The following GEMIN5 variants were observed in gnomAD, a reference collection of about 807,000 sequenced individuals.
GEMIN5 encodes the protein gem-associated protein 5.
Under a neutral mutation model 176.9 loss-of-function variants are expected in GEMIN5, and 124 were observed. That is an observed-to-expected ratio of 0.70 (90% CI 0.61 to 0.81). The LOEUF (loss-of-function observed/expected upper bound fraction) is 0.81, where lower values mean the gene tolerates loss of function less well. Ranked by LOEUF, GEMIN5 falls within the 40% of genes least tolerant of loss-of-function variation. The probability of loss-of-function intolerance (pLI) is 0.00; values close to 1 mark genes in which losing one functional copy is unlikely to be tolerated. For missense variants in GEMIN5, 1,843 were observed against 1,814.6 expected, an observed-to-expected ratio of 1.02 and a Z score of -0.28; for synonymous variants, 673 against 665.2, an observed-to-expected ratio of 1.01 and a Z score of -0.18.
At position 154,938,002 on chromosome 5, in the gene GEMIN5, G is replaced by A; in HGVS notation, c.132C>T (p.Gly44=). Residue 44 remains glycine, a synonymous_variant, in exon 1 of 28, where the codon GGC becomes GGT. Transcript: ENST00000285873. The part of the protein sequence containing the change: ...TSVFLVRVGP[G]AGESPGTPPF... ...GGGGTGTCCCTGGACTCTCGCCTGCGCCCGGGCCCACGCGGACAAGGAAGA... is the reference window on the plus strand; with the variant it reads ...GGGGTGTCCCTGGACTCTCGCCTGCACCCGGGCCCACGCGGACAAGGAAGA... 1.9e-6 allele frequency: 3 copies of A among 1,570,756 alleles called. No homozygotes were observed. The highest frequency in any genetic ancestry group is 1.1e-5 in the South Asian group (1 of 87,410).
intron 9 of GEMIN5, among the ~76,000 whole-genome samples, chr5:154,922,513 T>C (rs1003316638): frequency 6.6e-6 from 1 of 152,094 alleles, no homozygotes; most frequent in Non-Finnish European, 1.5e-5. Flanking sequence ...TGCCTAACAA[T>C]AGCTCTAGGG....
At chr5:154,916,518 T>C (rs1763813609) in intron 13 of GEMIN5, among the ~76,000 whole-genome samples, 1 of 152,090 alleles carries the variant, frequency 6.6e-6, no homozygotes, top group Non-Finnish European at 1.5e-5. Context: ...AGATAGGGTG[T>C]GCTCTGTAAC....
Position 154,925,915 on chromosome 5 carries a change from T to C in GEMIN5, c.1240A>G (p.Asn414Asp). ...CAAAAATTTTTCACATCATAGTTGT[T>C]CTTTATGGAGAGTGTATTCCATACA... ...IRVWNTLSIK[N>D]NYDVKNFWQG... Residue 414 changes from asparagine (N) to aspartate (D), a missense_variant, in exon 8 of 28, where the codon AAC (asparagine) becomes GAC (aspartate). Asn to Asp is a conservative substitution (Grantham distance 23, BLOSUM62 1). Transcript: ENST00000285873. 6.2e-7 allele frequency: 1 copy of C among 1,614,010 alleles called. No homozygotes were observed. Among genetic ancestry groups the C allele is most frequent in the Non-Finnish European group, 8.5e-7 (1 of 1,179,850 alleles).
intron 22 of GEMIN5, 22 bp downstream of exon 22, chr5:154,899,169 T>C (rs915763569): frequency 1.3e-6 from 2 of 1,593,912 alleles, no homozygotes; most frequent in East Asian, 4.5e-5. Flanking sequence ...GTTGGAAGCA[T>C]CCCTCCACTC....
At chr5:154,926,440 G>C (rs1393748587) in intron 7 of GEMIN5, among the ~76,000 whole-genome samples, 1 of 152,100 alleles carries the variant, frequency 6.6e-6, no homozygotes, top group Non-Finnish European at 1.5e-5. Flanking sequence ...AAAAATCAAA[G>C]AACTGCTCTC....
chr5:154,919,247 C>T (rs1205427878), intron 11 of GEMIN5, among the ~76,000 whole-genome samples: 1 of 151,876 alleles, frequency 6.6e-6, no homozygotes, highest in East Asian at 1.9e-4. Context: ...AGGAGAATCT[C>T]ATGAACCTAG....
chr5:154,921,352 TG>T lies in GEMIN5; in HGVS notation c.1452del (p.Met485CysfsTer58). 14 of 1,322,206 alleles carry T rather than the reference TG, an allele frequency of 1.1e-5. No individual in the cohort carries two copies. Among genetic ancestry groups the T allele is most frequent in the Non-Finnish European group, 1.4e-5 (13 of 919,412 alleles). 81.9% of individuals were successfully genotyped at this position (1,322,206 alleles called of 1,614,324 possible). On this transcript the variant is annotated frameshift_variant, in exon 10 of 28. Coordinates refer to ENST00000285873, the MANE Select transcript of GEMIN5 (RefSeq NM_015465.5). LOFTEE classifies it high-confidence loss of function. ...TTGTTCAGATACTTACCAAGTGACATGGGGGGTACTGGTGGCCCCCAGGCTA... is the reference window on the plus strand; with the variant it reads ...TTGTTCAGATACTTACCAAGTGACATGGGGGTACTGGTGGCCCCCAGGCTA... The part of the protein sequence containing the change: ...YTLAWGPPVP[P>X]MSLGGEGDRP...
rs186103696 is a variant in GEMIN5, at chr5:154,909,701, G to A, written c.2168-1883C>T. 7.8e-4 allele frequency among the ~76,000 whole-genome samples: 118 copies of A among 152,170 alleles called. 1 individual carries two copies. The highest frequency in any genetic ancestry group is 2.6e-3 in the African/African-American group (109 of 41,520). Reference sequence around the variant, plus strand: ...CCTGTTGAAGAATTTCACATACACCGGGCGCAGTGGCTCATGCCTATAATC... The same window carrying A: ...CCTGTTGAAGAATTTCACATACACCAGGCGCAGTGGCTCATGCCTATAATC... On this transcript the variant is annotated intron_variant, in intron 15 of 27. Coordinates refer to ENST00000285873, the MANE Select transcript of GEMIN5 (RefSeq NM_015465.5).
chr5:154,911,642 G>C (rs1763701430), intron 15 of GEMIN5, 85 bp downstream of exon 15: 3 of 1,206,022 alleles, frequency 2.5e-6, no homozygotes, highest in African/African-American at 3.0e-5. Context: ...TGCCCTACAC[G>C]AATGTCTTCC....
chr5:154,902,784 AGTCATTCTCTGATGGGT>A, intron 19 of GEMIN5, 108 bp from the exon 20 acceptor site: 1 of 1,147,692 alleles, frequency 8.7e-7, no homozygotes, highest in Non-Finnish European at 1.3e-6. Context: ...TAAAATATGC[AGTCATTCTCTGATGGGT>A]GTCACCTACC....
At chr5:154,894,764 G>C (rs949530145) in intron 24 of GEMIN5, among the ~76,000 whole-genome samples, 1 of 152,092 alleles carries the variant, frequency 6.6e-6, no homozygotes, top group Non-Finnish European at 1.5e-5. Context: ...AAAATTAGCC[G>C]GGCATGGTGG....
chr5:154,929,233 A>G (rs181075546), intron 5 of GEMIN5, among the ~76,000 whole-genome samples: 1 of 152,318 alleles, frequency 6.6e-6, no homozygotes, highest in Non-Finnish European at 1.5e-5. Flanking sequence ...CAAAAGAAAA[A>G]GAGTATTTTT....
chr5:154,899,221 C>G lies in GEMIN5; in HGVS notation c.3104G>C (p.Arg1035Thr), dbSNP rs1354599147. 1 of 1,612,758 alleles carries G rather than the reference C, an allele frequency of 6.2e-7. No individual in the cohort carries two copies. The highest frequency in any genetic ancestry group is 8.5e-7 in the Non-Finnish European group (1 of 1,179,376). Residue 1035 changes from arginine to threonine, a missense_variant, in exon 22 of 28, where the codon AGA (arginine) becomes ACA (threonine). By Grantham distance (71) the Arg-to-Thr change is moderately conservative. Coordinates refer to ENST00000285873, the MANE Select transcript of GEMIN5 (RefSeq NM_015465.5). ...LYLSWGTVLE[R>T]DGHYAVAAKC... ...GGCAGCTACAGCATAGTGGCCATCT[C>G]TTTCTAGGACGGTTCCCCAGCTGAG...
In GEMIN5 at chr5:154,899,116, A is replaced by G. The variant is rs111328655; in HGVS notation, c.3134+75T>C. 41 of 1,411,020 alleles carry G rather than the reference A, an allele frequency of 2.9e-5. No homozygotes were observed. The African/African-American group carries it at 5.0e-4, about 17-fold the overall frequency. 87.4% of individuals were successfully genotyped at this position (1,411,020 alleles called of 1,614,324 possible). ...CTTTACCTCCACCTCTAAACTTATT[A>G]CTTGTATTCTTGTCCTCCCCTTCCT... On this transcript the variant is annotated intron_variant, in intron 22 of 27. Transcript: ENST00000285873.
At chr5:154,914,452 A>G (rs1251851467) in intron 13 of GEMIN5, among the ~76,000 whole-genome samples, 1 of 152,116 alleles carries the variant, frequency 6.6e-6, no homozygotes, top group Non-Finnish European at 1.5e-5. Flanking sequence ...CACTATTAAG[A>G]ACATCATTGG....
intron 16 of GEMIN5, among the ~76,000 whole-genome samples, chr5:154,906,007 T>C (rs1763560207): frequency 3.3e-5 from 5 of 151,486 alleles, no homozygotes; most frequent in Admixed American, 3.3e-4. Context: ...TTTTTTTTTC[T>C]TTTGGTTAGA....
chr5:154,903,174 C>T lies in GEMIN5; in HGVS notation c.2634G>A (p.Glu878=). 1 of 1,605,648 alleles carries T rather than the reference C, an allele frequency of 6.2e-7. No individual in the cohort carries two copies. The highest frequency in any genetic ancestry group is 8.5e-7 in the Non-Finnish European group (1 of 1,174,356). The part of the protein sequence containing the change: ...LVLATAKHSR[E]LNEDVSADVE... The stretch of plus-strand genomic sequence containing the variant: ...CATCAGCAGACACATCTTCATTCAG[C>T]TCTGTTAATTTAAAAAGGCAAAAAA... The change falls in exon 19 of 28, where the codon GAG becomes GAA. Residue 878 remains glutamate, a splice_region_variant and synonymous_variant. Transcript: ENST00000285873.
rs746870507 is a variant in GEMIN5 at position 154,901,332 on chromosome 5, C to T, written c.3014+7G>A. On this transcript the variant is annotated splice_region_variant and intron_variant, in intron 21 of 27. Coordinates refer to ENST00000285873, the MANE Select transcript of GEMIN5 (RefSeq NM_015465.5). Reference sequence around the variant, plus strand: ...AAGTATTATCCCAACTCTAGGACCACACAGACCTGTAAAAATGGTTTGACT... The same window carrying T: ...AAGTATTATCCCAACTCTAGGACCATACAGACCTGTAAAAATGGTTTGACT... The T allele has an allele frequency of 1.1e-5, 18 of 1,613,200 alleles. No individual in the cohort carries two copies. The highest frequency in any genetic ancestry group is 1.4e-5 in the Non-Finnish European group (17 of 1,179,312).
chr5:154,916,815 T>C (rs1300097445), intron 13 of GEMIN5, among the ~76,000 whole-genome samples, 183 bp downstream of exon 13: 1 of 149,120 alleles, frequency 6.7e-6, no homozygotes, highest in Admixed American at 6.6e-5. Context: ...TCTGTTACCA[T>C]TTTTGTCATG....
Sources: gnomAD v4.1 joint callset for allele counts (sites outside exome capture counted in the v4.1 genomes callset) on GRCh38, gnomAD v4.1.1 for gene constraint, MANE v1.5 for transcripts, NCBI Gene and HGNC (gene_info 2026-07-23, HGNC 2026-07-21) for gene names.